NBAS: variants seen among roughly 807,000 people sequenced by gnomAD.
NBAS encodes NBAS subunit of NRZ tethering complex.
A neutral mutation model predicts 302.5 loss-of-function variants in NBAS; 219 were observed. That is an observed-to-expected ratio of 0.72 (90% confidence interval 0.65 to 0.81). NBAS has a LOEUF of 0.81. NBAS is among the 30% of genes least tolerant of loss of function. NBAS has a pLI of 0.00. For missense variants in NBAS, 2,932 were observed against 2,841.6 expected, an observed-to-expected ratio of 1.03 and a Z score of -0.72; for synonymous variants, 1,118 against 1,021.6, an observed-to-expected ratio of 1.09 and a Z score of -1.80.
At chr2:15,346,553 G>A (rs1248429514) in intron 35 of NBAS, among the ~76,000 whole-genome samples, 1 of 152,154 alleles carries the variant, frequency 6.6e-6, no homozygotes, top group East Asian at 1.9e-4. Flanking sequence ...CACTGTTGGT[G>A]GGAATGTAAA....
intron 35 of NBAS, among the ~76,000 whole-genome samples, chr2:15,349,235 GA>G (rs1174145373): frequency 6.6e-6 from 1 of 152,170 alleles, no homozygotes; most frequent in African/African-American, 2.4e-5. Flanking sequence ...CAAAACTTCA[GA>G]TAAAGATCTC....
intron 6 of NBAS, among the ~76,000 whole-genome samples, chr2:15,542,491 G>C (rs1441031452): frequency 7.6e-6 from 1 of 132,304 alleles, no homozygotes; most frequent in Non-Finnish European, 1.6e-5. Flanking sequence ...CAAACACTGC[G>C]GAAGGCCGCA....
At chr2:15,119,241 G>A in the NBAS span, among the ~76,000 whole-genome samples, 1 of 152,074 alleles carries the variant, frequency 6.6e-6, no homozygotes, top group Non-Finnish European at 1.5e-5. Context: ...CCACCGTCTG[G>A]CTGAGAGTGA....
chr2:14,928,013 G>A, the NBAS span, among the ~76,000 whole-genome samples: 8 of 152,094 alleles, frequency 5.3e-5, no homozygotes, highest in Admixed American at 2.0e-4. Context: ...TTATCTTTTC[G>A]TATCTACTGC....
intron 48 of NBAS, among the ~76,000 whole-genome samples, chr2:15,213,193 C>T (rs907840136): frequency 9.9e-5 from 15 of 152,186 alleles, no homozygotes; most frequent in African/African-American, 3.6e-4. Flanking sequence ...AAAGTCCAAA[C>T]ATTTTACTAT....
At chr2:15,021,760 T>C in the NBAS span, among the ~76,000 whole-genome samples, 1 of 152,198 alleles carries the variant, frequency 6.6e-6, no homozygotes, top group African/African-American at 2.4e-5. Flanking sequence ...CATAGCAGGT[T>C]GGAAACACCA....
At chr2:15,008,438 A>G in the NBAS span, among the ~76,000 whole-genome samples, 1 of 152,204 alleles carries the variant, frequency 6.6e-6, no homozygotes, top group African/African-American at 2.4e-5. Context: ...TCTCACTCCA[A>G]GTGGCCTCTC....
chr2:15,517,083 A>G (rs1662430391), intron 9 of NBAS, among the ~76,000 whole-genome samples: 1 of 152,066 alleles, frequency 6.6e-6, no homozygotes, highest in Non-Finnish European at 1.5e-5. Flanking sequence ...ATTCTTGCAC[A>G]GGTATATTCA....
At chr2:14,788,415 A>C in the NBAS span, among the ~76,000 whole-genome samples, 3 of 152,018 alleles carry the variant, frequency 2.0e-5, no homozygotes, top group Non-Finnish European at 2.9e-5. Flanking sequence ...TAGAGTTTCC[A>C]GTTTTTCTGC....
chr2:15,407,551 G>C (rs1676475633), intron 25 of NBAS, among the ~76,000 whole-genome samples: 1 of 152,122 alleles, frequency 6.6e-6, no homozygotes, highest in African/African-American at 2.4e-5. Context: ...GAGATTATTT[G>C]CCACACGGGT....
the NBAS span, among the ~76,000 whole-genome samples, chr2:14,828,968 A>G: frequency 6.6e-6 from 1 of 152,158 alleles, no homozygotes; most frequent in Non-Finnish European, 1.5e-5. Context: ...TTGTGTGAAT[A>G]TGAATTATTT....
At chr2:14,789,517 G>A in the NBAS span, among the ~76,000 whole-genome samples, 2 of 152,092 alleles carry the variant, frequency 1.3e-5, no homozygotes, top group African/African-American at 2.4e-5. Flanking sequence ...ATATTTTAGG[G>A]GTATTCAGGC....
chr2:15,508,321 A>G (rs7587665), intron 10 of NBAS, among the ~76,000 whole-genome samples: 89,631 of 152,010 alleles, frequency 0.59, 27,053 homozygotes, highest in Middle Eastern at 0.63. Context: ...CCAATACTTC[A>G]GTAAGGTGCA....
At chr2:15,058,733 T>A in the NBAS span, among the ~76,000 whole-genome samples, 1 of 152,170 alleles carries the variant, frequency 6.6e-6, no homozygotes, top group African/African-American at 2.4e-5. Context: ...TTTGGTTCTA[T>A]TGCTTACAAC....
chr2:14,950,151 A>T, the NBAS span, among the ~76,000 whole-genome samples: 11 of 152,120 alleles, frequency 7.2e-5, no homozygotes, highest in African/African-American at 2.7e-4. Flanking sequence ...GTTGTCTTTT[A>T]TCTCTCACCT....
At chr2:15,230,553 A>G (rs1025253647) in intron 47 of NBAS, among the ~76,000 whole-genome samples, 1 of 152,174 alleles carries the variant, frequency 6.6e-6, no homozygotes, top group Non-Finnish European at 1.5e-5. Flanking sequence ...GTAAGTCTCA[A>G]ATTGGATTCT....
chr2:15,211,630 G>C (rs1666415519), intron 48 of NBAS, among the ~76,000 whole-genome samples: 1 of 152,168 alleles, frequency 6.6e-6, no homozygotes, highest in Non-Finnish European at 1.5e-5. Context: ...GGATTGAAGA[G>C]AAGATATTGT....
the NBAS span, among the ~76,000 whole-genome samples, chr2:15,112,116 T>C: frequency 1.3e-5 from 2 of 150,930 alleles, no homozygotes; most frequent in East Asian, 3.9e-4. Flanking sequence ...GAAAGCCAAA[T>C]CTGCAAAATA....
chr2:14,914,144 G>A, the NBAS span, among the ~76,000 whole-genome samples: 7 of 152,078 alleles, frequency 4.6e-5, no homozygotes, highest in Non-Finnish European at 8.8e-5. Context: ...GAACAGTATG[G>A]AGGAAACTGT....
Sources: gnomAD v4.1 joint callset for allele counts (sites outside exome capture counted in the v4.1 genomes callset) on GRCh38, gnomAD v4.1.1 for gene constraint, MANE v1.5 for transcripts, NCBI Gene and HGNC (gene_info 2026-07-23, HGNC 2026-07-21) for gene names.